PTPRM: variants seen among roughly 807,000 people sequenced by gnomAD.
PTPRM encodes receptor-type tyrosine-protein phosphatase mu.
In PTPRM, 47 loss-of-function variants were observed where a neutral mutation model predicts 186.7. The observed-to-expected ratio is 0.25, with a 90% CI of 0.20 to 0.32. PTPRM has a LOEUF of 0.32. Among genes scored for constraint, PTPRM ranks in the 10% least tolerant of loss-of-function variants. PTPRM has a pLI of 1.00. For synonymous variants in PTPRM, 668 were observed against 674.9 expected, an observed-to-expected ratio of 0.99 and a Z score of 0.16; for missense variants, 1,494 against 1,865.0, an observed-to-expected ratio of 0.80 and a Z score of 3.66.
At chr18:8,325,435 C>G (rs1175206453) in intron 22 of PTPRM, among the ~76,000 whole-genome samples, 2 of 152,100 alleles carry the variant, frequency 1.3e-5, no homozygotes, top group African/African-American at 4.8e-5. Flanking sequence ...TCCGTTCCTG[C>G]GATTGGTCAG....
At chr18:8,208,751 A>G (rs191648842) in intron 14 of PTPRM, among the ~76,000 whole-genome samples, 85 of 152,320 alleles carry the variant, frequency 5.6e-4, no homozygotes, top group African/African-American at 1.9e-3. Flanking sequence ...GCCACAGGCA[A>G]TCCTCCCACC....
At chr18:7,664,580 A>G (rs1436484737) in intron 1 of PTPRM, among the ~76,000 whole-genome samples, 1 of 151,946 alleles carries the variant, frequency 6.6e-6, no homozygotes, top group Non-Finnish European at 1.5e-5. Context: ...TTTTCTCCAT[A>G]TGGGCCTCTT....
intron 20 of PTPRM, among the ~76,000 whole-genome samples, chr18:8,299,511 T>C (rs558887660): frequency 6.6e-6 from 1 of 151,310 alleles, no homozygotes; most frequent in Non-Finnish European, 1.5e-5. Flanking sequence ...TGCTTGAACC[T>C]GGGAGATGGA....
intron 7 of PTPRM, among the ~76,000 whole-genome samples, chr18:8,009,769 C>T (rs1391591010): frequency 6.6e-6 from 1 of 152,046 alleles, no homozygotes; most frequent in Non-Finnish European, 1.5e-5. Context: ...CCTTTTCTTC[C>T]ATGTAAAATG....
intron 7 of PTPRM, among the ~76,000 whole-genome samples, chr18:8,037,844 G>C (rs148543669): frequency 6.6e-6 from 1 of 152,280 alleles, no homozygotes; most frequent in Non-Finnish European, 1.5e-5. Flanking sequence ...GCATATGGAA[G>C]GGTGCAGAGG....
rs541115884 is a variant in PTPRM at position 8,219,595 on chromosome 18, C to G, written c.2301-24463C>G. On this transcript the variant is annotated intron_variant, in intron 14 of 32. Transcript: ENST00000580170. ...CTACATTTTGGAGAGGAAGGAGTTACAGGCAAAGACATAAATCAATACATG... is the reference window on the plus strand; with the variant it reads ...CTACATTTTGGAGAGGAAGGAGTTAGAGGCAAAGACATAAATCAATACATG... Among the ~76,000 whole-genome samples the G allele has an allele frequency of 9.2e-5, 14 of 152,222 alleles. No individual in the cohort carries two copies. The East Asian group carries it at 1.4e-3, about 15-fold the overall frequency.
intron 14 of PTPRM, among the ~76,000 whole-genome samples, chr18:8,181,456 A>T (rs1601054539): frequency 6.6e-6 from 1 of 152,192 alleles, no homozygotes; most frequent in African/African-American, 2.4e-5. Context: ...TCAGAGCCTC[A>T]CTGGAAGCCT....
At chr18:8,350,194 CG>C (rs2082384593) in intron 23 of PTPRM, among the ~76,000 whole-genome samples, 1 of 152,196 alleles carries the variant, frequency 6.6e-6, no homozygotes, top group South Asian at 2.1e-4. Context: ...GAGCCCATTT[CG>C]GCAGCTCATA....
intron 23 of PTPRM, among the ~76,000 whole-genome samples, chr18:8,352,070 A>C (rs890325635): frequency 3.9e-5 from 6 of 152,262 alleles, no homozygotes; most frequent in Admixed American, 1.3e-4. Flanking sequence ...TTAGTGCTGT[A>C]CTTACTGTAT....
intron 7 of PTPRM, among the ~76,000 whole-genome samples, chr18:7,984,741 A>G (rs1477605423): frequency 5.0e-5 from 7 of 141,408 alleles, no homozygotes; most frequent in African/African-American, 1.8e-4. Context: ...ATATATACAT[A>G]TAAAATTATA....
At chr18:8,049,852 T>C (rs2087346946) in intron 7 of PTPRM, among the ~76,000 whole-genome samples, 1 of 151,836 alleles carries the variant, frequency 6.6e-6, no homozygotes, top group African/African-American at 2.4e-5. Flanking sequence ...GCTGAGACTA[T>C]AGGCACACAC....
intron 1 of PTPRM, among the ~76,000 whole-genome samples, chr18:7,665,421 G>A (rs1206770302): frequency 2.0e-5 from 3 of 152,066 alleles, no homozygotes; most frequent in African/African-American, 7.2e-5. Context: ...ATAGATATAT[G>A]CATTTTACTT....
intron 1 of PTPRM, among the ~76,000 whole-genome samples, chr18:7,680,128 A>C (rs1473840320): frequency 6.6e-6 from 1 of 152,190 alleles, no homozygotes; most frequent in Non-Finnish European, 1.5e-5. Flanking sequence ...AGCCTCCCAA[A>C]GTGCTGAGAC....
At chr18:8,234,275 G>T (rs2094319193) in intron 14 of PTPRM, among the ~76,000 whole-genome samples, 1 of 152,088 alleles carries the variant, frequency 6.6e-6, no homozygotes, top group South Asian at 2.1e-4. Context: ...GAATTTTACA[G>T]TTTTCCTCTA....
At chr18:7,883,755 C>T (rs1004830673) in intron 2 of PTPRM, among the ~76,000 whole-genome samples, 5 of 152,098 alleles carry the variant, frequency 3.3e-5, no homozygotes, top group African/African-American at 7.2e-5. Flanking sequence ...GTTCTTCTCT[C>T]GTAAAGAAAG....
rs866127078 is a variant in PTPRM, at chr18:7,631,179, A to G, written c.73+63288A>G. Among the ~76,000 whole-genome samples the G allele has an allele frequency of 2.0e-5, 3 of 152,192 alleles. No homozygotes were observed. In the East Asian group the frequency reaches 5.8e-4, roughly 29 times the overall value. On this transcript the variant is annotated intron_variant, in intron 1 of 32. Coordinates refer to ENST00000580170, the MANE Select transcript of PTPRM (RefSeq NM_001105244.2). ...AGATTACAAAGTAATCTTGAATCCAATCCTCTGTAATTTTAACCAAATCAC... is the reference window on the plus strand; with the variant it reads ...AGATTACAAAGTAATCTTGAATCCAGTCCTCTGTAATTTTAACCAAATCAC...
chr18:7,624,787 C>T (rs571765351), intron 1 of PTPRM, among the ~76,000 whole-genome samples: 91 of 152,270 alleles, frequency 6.0e-4, no homozygotes, highest in African/African-American at 2.2e-3. Context: ...TCAGATTCTG[C>T]TTTTATTAAA....
At chr18:7,732,738 C>G (rs1331991661) in intron 1 of PTPRM, among the ~76,000 whole-genome samples, 1 of 152,078 alleles carries the variant, frequency 6.6e-6, no homozygotes, top group African/African-American at 2.4e-5. Flanking sequence ...CTCCTGGTCT[C>G]AAGTGGTCCT....
chr18:7,980,463 C>A (rs953255427), intron 7 of PTPRM, among the ~76,000 whole-genome samples: 3 of 151,990 alleles, frequency 2.0e-5, no homozygotes, highest in Non-Finnish European at 4.4e-5. Context: ...CAGCTCACTG[C>A]GCCTCAACCT....
Sources: gnomAD v4.1 joint callset for allele counts (sites outside exome capture counted in the v4.1 genomes callset) on GRCh38, gnomAD v4.1.1 for gene constraint, MANE v1.5 for transcripts, NCBI Gene and HGNC (gene_info 2026-07-23, HGNC 2026-07-21) for gene names.